The following TEAD1 variants were observed in gnomAD, a reference collection of about 807,000 sequenced individuals.
TEAD1 encodes transcriptional enhancer factor TEF-1.
TEAD1 carries 9 observed loss-of-function variants against 54.9 expected under a neutral mutation model. The ratio of observed to expected loss-of-function variants is 0.16; its 90% CI spans 0.10 to 0.29. The LOEUF is 0.29. Ranked by LOEUF, TEAD1 falls within the 10% of genes least tolerant of loss-of-function variation. The pLI is 1.00. For missense variants in TEAD1, 387 were observed against 535.9 expected (o/e 0.72, Z 2.74); for synonymous variants, 200 against 187.8 (o/e 1.07, Z -0.53).
chr11:12,910,250 A>G (rs752518122), intron 10 of TEAD1, among the ~76,000 whole-genome samples: 2 of 152,212 alleles, frequency 1.3e-5, no homozygotes, highest in African/African-American at 2.4e-5. Flanking sequence ...TTCTAGCTAT[A>G]TGAAGTTTAC....
intron 10 of TEAD1, among the ~76,000 whole-genome samples, chr11:12,913,694 C>T (rs917823167): frequency 4.6e-5 from 7 of 152,088 alleles, no homozygotes; most frequent in African/African-American, 1.7e-4. Flanking sequence ...TTTTGGTGTA[C>T]ATGTCCTATA....
intron 9 of TEAD1, among the ~76,000 whole-genome samples, chr11:12,892,441 C>T (rs1345137709): frequency 6.6e-6 from 1 of 152,108 alleles, no homozygotes; most frequent in Non-Finnish European, 1.5e-5. Flanking sequence ...GTCAGGCATT[C>T]AAGACCAGCC....
At chr11:12,865,190 C>T in intron 5 of TEAD1, 1 of 449,148 alleles carries the variant, frequency 2.2e-6, no homozygotes. Context: ...CTTTTCAGCA[C>T]AGAAACATGA....
chr11:12,741,800 G>A (rs1944656207), intron 2 of TEAD1, among the ~76,000 whole-genome samples: 1 of 152,192 alleles, frequency 6.6e-6, no homozygotes, highest in South Asian at 2.1e-4. Context: ...TTCTGGGAAA[G>A]CAGAAAGAAG....
At chr11:12,706,683 C>G (rs1221533323) in intron 2 of TEAD1, among the ~76,000 whole-genome samples, 1 of 152,186 alleles carries the variant, frequency 6.6e-6, no homozygotes, top group African/African-American at 2.4e-5. Context: ...TCACTGAGCT[C>G]TTTTCTTACC....
intron 2 of TEAD1, among the ~76,000 whole-genome samples, chr11:12,695,873 C>G (rs932569915): frequency 1.3e-5 from 2 of 152,222 alleles, no homozygotes; most frequent in African/African-American, 4.8e-5. Flanking sequence ...CCAACCCTTG[C>G]ATTCATGCCG....
intron 2 of TEAD1, among the ~76,000 whole-genome samples, chr11:12,710,059 G>C (rs1231057786): frequency 6.6e-6 from 1 of 151,892 alleles, no homozygotes; most frequent in African/African-American, 2.4e-5. Context: ...AGGCACTATG[G>C]CTCACACCTG....
At chr11:12,713,009 G>A (rs1246764029) in intron 2 of TEAD1, among the ~76,000 whole-genome samples, 1 of 152,046 alleles carries the variant, frequency 6.6e-6, no homozygotes, top group Non-Finnish European at 1.5e-5. Flanking sequence ...TGGGGCCTGT[G>A]CATTTGTTTG....
chr11:12,764,947 T>C (rs375904699), intron 3 of TEAD1, among the ~76,000 whole-genome samples: 9 of 150,608 alleles, frequency 6.0e-5, no homozygotes, highest in African/African-American at 2.2e-4. Flanking sequence ...TTAAAACAAC[T>C]CTGTACAGGC....
chr11:12,687,260 ACTTAT>A (rs1204671468), intron 2 of TEAD1, among the ~76,000 whole-genome samples: 22 of 152,296 alleles, frequency 1.4e-4, no homozygotes, highest in East Asian at 3.9e-4. Context: ...GTCCTGGAAA[ACTTAT>A]CTTATCATAC....
intron 3 of TEAD1, among the ~76,000 whole-genome samples, chr11:12,848,011 G>C (rs1474647882): frequency 6.6e-6 from 1 of 152,206 alleles, no homozygotes; most frequent in African/African-American, 2.4e-5. Flanking sequence ...AGATAGGTCT[G>C]ATGTGGCTAG....
chr11:12,699,443 T>C (rs1341366121), intron 2 of TEAD1, among the ~76,000 whole-genome samples: 3 of 152,232 alleles, frequency 2.0e-5, no homozygotes, highest in Non-Finnish European at 2.9e-5. Flanking sequence ...ATTCTGTTTT[T>C]TAAATAGTTT....
At chr11:12,722,679 A>C (rs1944235061) in intron 2 of TEAD1, among the ~76,000 whole-genome samples, 1 of 150,044 alleles carries the variant, frequency 6.7e-6, no homozygotes, top group Non-Finnish European at 1.5e-5. Flanking sequence ...AAAATACACT[A>C]TAACCGCAAA....
At chr11:12,826,742 T>C (rs1054321739) in intron 3 of TEAD1, among the ~76,000 whole-genome samples, 3 of 152,214 alleles carry the variant, frequency 2.0e-5, no homozygotes, top group Admixed American at 1.3e-4. Flanking sequence ...TGTAAATGTT[T>C]AGTGCTTTGT....
intron 4 of TEAD1, among the ~76,000 whole-genome samples, chr11:12,863,159 G>A (rs916430366): frequency 4.6e-5 from 7 of 152,168 alleles, no homozygotes; most frequent in African/African-American, 1.7e-4. Context: ...TAACTAAACC[G>A]TGGTCTCATT....
intron 12 of TEAD1, 55 bp downstream of exon 12, chr11:12,930,381 A>G: frequency 1.2e-6 from 2 of 1,608,572 alleles, no homozygotes; most frequent in Admixed American, 3.3e-5. Flanking sequence ...GGCTTGACAG[A>G]AGTGAGGAAG....
chr11:12,678,669 C>G (rs895719850), intron 2 of TEAD1, among the ~76,000 whole-genome samples: 2 of 152,160 alleles, frequency 1.3e-5, no homozygotes, highest in Non-Finnish European at 2.9e-5. Flanking sequence ...TCTGGGGCTT[C>G]CCTCTTCTTG....
At chr11:12,926,617 T>C (rs1948907107) in intron 11 of TEAD1, among the ~76,000 whole-genome samples, 1 of 152,190 alleles carries the variant, frequency 6.6e-6, no homozygotes, top group South Asian at 2.1e-4. Context: ...ACTGGAAATA[T>C]AAATTGGGAA....
chr11:12,876,639 T>C (rs994697114), intron 5 of TEAD1, among the ~76,000 whole-genome samples: 1 of 152,200 alleles, frequency 6.6e-6, no homozygotes, highest in Non-Finnish European at 1.5e-5. Context: ...AGAGAAGTTG[T>C]AAGGCTTGTT....
Sources: gnomAD v4.1 joint callset for allele counts (sites outside exome capture counted in the v4.1 genomes callset) on GRCh38, gnomAD v4.1.1 for gene constraint, MANE v1.5 for transcripts, NCBI Gene and HGNC (gene_info 2026-07-23, HGNC 2026-07-21) for gene names.